The following RABGAP1L variants were observed in gnomAD, a reference collection of about 807,000 sequenced individuals.
The protein encoded by RABGAP1L is rab GTPase-activating protein 1-like.
RABGAP1L carries 63 observed loss-of-function variants against 137.7 expected under a neutral mutation model. The ratio of observed to expected loss-of-function variants is 0.46; its 90% CI spans 0.37 to 0.56. The LOEUF (loss-of-function observed/expected upper bound fraction) is 0.56, where lower values mean the gene tolerates loss of function less well. Ranked by LOEUF, RABGAP1L falls within the 20% of genes least tolerant of loss-of-function variation. The probability of loss-of-function intolerance (pLI) is 0.00; values close to 1 mark genes in which losing one functional copy is unlikely to be tolerated. For synonymous variants in RABGAP1L, 431 were observed against 433.7 expected (o/e 0.99, Z 0.08); for missense variants, 1,095 against 1,244.0 (o/e 0.88, Z 1.80).
intron 4 of RABGAP1L, among the ~76,000 whole-genome samples, chr1:174,231,679 G>A (rs1219163989): frequency 6.6e-6 from 1 of 152,102 alleles, no homozygotes; most frequent in East Asian, 1.9e-4. Context: ...GGCCTCAGGA[G>A]GGGAGGCCTC....
At chr1:174,237,168 G>T (rs1348811074) in intron 4 of RABGAP1L, among the ~76,000 whole-genome samples, 1 of 151,498 alleles carries the variant, frequency 6.6e-6, no homozygotes, top group African/African-American at 2.4e-5. Flanking sequence ...GTGTGTCTCT[G>T]CACGTGAGAT....
At chr1:174,565,909 A>T (rs1572345976) in intron 13 of RABGAP1L, among the ~76,000 whole-genome samples, 1 of 138,984 alleles carries the variant, frequency 7.2e-6, no homozygotes. Flanking sequence ...TTTTTGAGAC[A>T]GGTTCTGGTT....
At chr1:174,615,261 G>GGAT (rs1317860161) in intron 13 of RABGAP1L, among the ~76,000 whole-genome samples, 1 of 152,144 alleles carries the variant, frequency 6.6e-6, no homozygotes, top group Non-Finnish European at 1.5e-5. Context: ...TTTTTGGTGT[G>GGAT]GATGTCCTGT....
At chr1:174,914,002 A>G (rs1433597517) in intron 19 of RABGAP1L, among the ~76,000 whole-genome samples, 2 of 152,258 alleles carry the variant, frequency 1.3e-5, no homozygotes, top group African/African-American at 4.8e-5. Flanking sequence ...ATTGAAAACT[A>G]ACAGAAGTTG....
At chr1:174,771,986 T>G (rs1013201873) in intron 18 of RABGAP1L, among the ~76,000 whole-genome samples, 9 of 151,808 alleles carry the variant, frequency 5.9e-5, no homozygotes, top group South Asian at 2.1e-4. Flanking sequence ...GATCACGAGG[T>G]CAGAAGTTCA....
chr1:174,504,350 G>T (rs1167007515), intron 13 of RABGAP1L, among the ~76,000 whole-genome samples: 5 of 151,226 alleles, frequency 3.3e-5, no homozygotes, highest in Non-Finnish European at 4.4e-5. Context: ...CTTGTTTTAG[G>T]ATTGTTTAAA....
At chr1:174,781,879 T>G (rs1687040780) in intron 18 of RABGAP1L, among the ~76,000 whole-genome samples, 1 of 152,162 alleles carries the variant, frequency 6.6e-6, no homozygotes, top group African/African-American at 2.4e-5. Flanking sequence ...TGGTTGTAGA[T>G]GTGTGGTCTT....
At chr1:174,877,026 C>A (rs1443154366) in intron 19 of RABGAP1L, among the ~76,000 whole-genome samples, 1 of 152,072 alleles carries the variant, frequency 6.6e-6, no homozygotes, top group Admixed American at 6.5e-5. Flanking sequence ...AAATTTACTT[C>A]TTCTCCAAGA....
At chr1:174,820,038 C>T (rs1690854502) in intron 19 of RABGAP1L, among the ~76,000 whole-genome samples, 1 of 151,998 alleles carries the variant, frequency 6.6e-6, no homozygotes, top group Admixed American at 6.6e-5. Flanking sequence ...AGTAAAGTGA[C>T]AGCTTTGAGA....
At chr1:174,224,585 A>G (rs1434916890) in intron 3 of RABGAP1L, among the ~76,000 whole-genome samples, 1 of 152,142 alleles carries the variant, frequency 6.6e-6, no homozygotes. Context: ...AAGTATGGGG[A>G]TAGAGTTGTT....
At chr1:174,239,294 G>A (rs920332251) in intron 4 of RABGAP1L, among the ~76,000 whole-genome samples, 2 of 152,026 alleles carry the variant, frequency 1.3e-5, no homozygotes, top group Non-Finnish European at 2.9e-5. Context: ...GCTCCTCTTC[G>A]ATAATTTGTT....
At chr1:174,581,157 A>T (rs781697759) in intron 13 of RABGAP1L, among the ~76,000 whole-genome samples, 1 of 152,224 alleles carries the variant, frequency 6.6e-6, no homozygotes, top group African/African-American at 2.4e-5. Context: ...TGACCCAGCA[A>T]TTCTATTTAT....
intron 20 of RABGAP1L, among the ~76,000 whole-genome samples, chr1:174,960,138 C>T (rs1307118145): frequency 2.0e-5 from 3 of 152,084 alleles, no homozygotes; most frequent in Non-Finnish European, 4.4e-5. Context: ...CATTTCCACA[C>T]CCTAGCTTGC....
At chr1:174,899,099 G>C (rs1473248999) in intron 19 of RABGAP1L, among the ~76,000 whole-genome samples, 1 of 152,132 alleles carries the variant, frequency 6.6e-6, no homozygotes, top group Non-Finnish European at 1.5e-5. Context: ...CAGCTGAAGA[G>C]AATGAGGCTA....
intron 19 of RABGAP1L, among the ~76,000 whole-genome samples, chr1:174,890,463 G>A (rs1033174748): frequency 2.0e-5 from 3 of 152,224 alleles, no homozygotes; most frequent in African/African-American, 7.2e-5. Context: ...TAAAGGAATG[G>A]TGGAGATAAT....
chr1:174,793,280 C>T (rs1387217021), intron 18 of RABGAP1L, among the ~76,000 whole-genome samples: 1 of 152,096 alleles, frequency 6.6e-6, no homozygotes, highest in African/African-American at 2.4e-5. Flanking sequence ...GTGATGCTAC[C>T]AAGACTATTC....
At chr1:174,409,675 C>A (rs1166203692) in intron 13 of RABGAP1L, among the ~76,000 whole-genome samples, 1 of 152,032 alleles carries the variant, frequency 6.6e-6, no homozygotes, top group African/African-American at 2.4e-5. Flanking sequence ...ATAATTAAGA[C>A]CCTGGGAAAG....
chr1:174,623,441 G>C, intron 13 of RABGAP1L, among the ~76,000 whole-genome samples: 1 of 152,160 alleles, frequency 6.6e-6, no homozygotes. Flanking sequence ...GAAGCTGACA[G>C]AAAGCTGTTA....
chr1:174,490,603 C>T (rs1163854295), intron 13 of RABGAP1L, among the ~76,000 whole-genome samples: 1 of 152,118 alleles, frequency 6.6e-6, no homozygotes, highest in South Asian at 2.1e-4. Context: ...TCTGAAGGCC[C>T]TAGGGCTCTA....
Sources: allele counts gnomAD v4.1 joint callset (sites outside exome capture counted in the v4.1 genomes callset), GRCh38; gene constraint gnomAD v4.1.1; transcripts MANE v1.5; gene names NCBI Gene and HGNC (gene_info 2026-07-23, HGNC 2026-07-21).